Variants in KCNJ18 observed in about 807,000 individuals in gnomAD.
KCNJ18 encodes the protein potassium inwardly rectifying channel subfamily J member 18.
KCNJ18 carries 16 observed loss-of-function variants against 17.3 expected under a neutral mutation model. That is an observed-to-expected ratio of 0.92 (90% CI 0.62 to 1.40). The LOEUF (loss-of-function observed/expected upper bound fraction) is 1.40. Among genes scored for constraint, KCNJ18 ranks in the 40% most tolerant of loss-of-function variants. The pLI is 0.00. For synonymous variants in KCNJ18, 185 were observed against 262.6 expected (o/e 0.70, Z 2.86); for missense variants, 462 against 626.8 (o/e 0.74, Z 2.81).
intron 2 of KCNJ18, among the ~76,000 whole-genome samples, chr17:21,698,431 A>G (rs2142268851): frequency 6.6e-6 from 1 of 152,064 alleles, no homozygotes; most frequent in African/African-American, 2.4e-5. Context: ...GTGCCTCATG[A>G]GGCGCCCTAG....
intron 1 of KCNJ18, among the ~76,000 whole-genome samples, 200 bp downstream of exon 1, chr17:21,692,914 C>A: frequency 6.6e-6 from 1 of 152,310 alleles, no homozygotes. Context: ...GCGACACCAG[C>A]CTCATTTTTC....
rs1477714887 is a variant in KCNJ18 at position 21,695,370 on chromosome 17, A to G, written c.-178-613A>G. ...CCCACCCATGTATTCATTCATCCAT[A>G]TACCCACTCATCCATTTATCCATCC... On this transcript the variant is annotated intron_variant, in intron 1 of 2. Coordinates refer to ENST00000567955, the MANE Select transcript of KCNJ18 (RefSeq NM_001194958.2). Among the ~76,000 whole-genome samples the G allele has an allele frequency of 1.9e-4, 22 of 117,022 alleles. No homozygotes were observed. The South Asian group carries it at 6.0e-3, about 32-fold the overall frequency. 76.8% of individuals were successfully genotyped at this position (117,022 alleles called of 152,430 possible).
chr17:21,696,430 A>G, intron 2 of KCNJ18, among the ~76,000 whole-genome samples: 1 of 152,128 alleles, frequency 6.6e-6, no homozygotes, highest in East Asian at 1.9e-4. Context: ...CGATTTATCC[A>G]CCCATCTGCC....
rs1164815104 is a variant in KCNJ18 at position 21,704,438 on chromosome 17, A to G, written c.*350A>G. 1.5e-4 allele frequency: 42 copies of G among 272,890 alleles called. No homozygotes were observed. The highest frequency in any genetic ancestry group is 9.3e-4 in the African/African-American group (42 of 45,356). The allele number at this position is 272,890 out of a possible 1,614,324, so 16.9% of individuals were successfully genotyped here. On this transcript the variant is annotated 3_prime_UTR_variant, in exon 3 of 3. Transcript: ENST00000567955. The stretch of plus-strand genomic sequence containing the variant: ...CAGCCTCTGCTGTCCAAGGCTGGCT[A>G]GCTGCGGTGCTCCTTGCTGGTTTTT...
chr17:21,695,452 TC>T, intron 1 of KCNJ18, among the ~76,000 whole-genome samples: 3 of 46,462 alleles, frequency 6.5e-5, no homozygotes, highest in African/African-American at 2.2e-4. Flanking sequence ...CATCCATCCA[TC>T]CTTCCATCCA....
intron 2 of KCNJ18, among the ~76,000 whole-genome samples, chr17:21,697,739 A>G (rs1196715110): frequency 2.8e-4 from 43 of 152,300 alleles, no homozygotes; most frequent in African/African-American, 8.7e-4. Context: ...TGATGGAGCA[A>G]GGGCACCACT....
At chr17:21,692,772 G>C (rs1237441700) in intron 1 of KCNJ18, 58 bp downstream of exon 1, 1 of 152,656 alleles carries the variant, frequency 6.6e-6, no homozygotes, top group Non-Finnish European at 1.5e-5. Flanking sequence ...TCAGCTGGGG[G>C]GCTGCCAGGC....
intron 2 of KCNJ18, among the ~76,000 whole-genome samples, chr17:21,702,199 G>T (rs1459160840): frequency 7.9e-5 from 12 of 151,934 alleles, no homozygotes; most frequent in Non-Finnish European, 1.5e-4. Context: ...GGTGCCAGGG[G>T]CTGTGGCTGG....
At chr17:21,701,116 A>G (rs1181564190) in intron 2 of KCNJ18, among the ~76,000 whole-genome samples, 3 of 152,044 alleles carry the variant, frequency 2.0e-5, no homozygotes, top group Non-Finnish European at 2.9e-5. Flanking sequence ...CATAGCCCCT[A>G]GCTTGCAGAT....
At chr17:21,699,952 C>CT (rs1905888558) in intron 2 of KCNJ18, among the ~76,000 whole-genome samples, 1 of 152,280 alleles carries the variant, frequency 6.6e-6, no homozygotes, top group Non-Finnish European at 1.5e-5. Flanking sequence ...CTGGAAGTCC[C>CT]TCAAGGCCCC....
At chr17:21,702,153 C>T (rs1216947530) in intron 2 of KCNJ18, among the ~76,000 whole-genome samples, 7 of 151,980 alleles carry the variant, frequency 4.6e-5, no homozygotes, top group Admixed American at 2.6e-4. Context: ...GGATGTCTTG[C>T]GGGAGGGTGT....
At position 21,696,286 on chromosome 17, in the gene KCNJ18, C is replaced by T. The variant is rs1200525275; in HGVS notation, c.-57+182C>T. ...GCCTCCACCCCTCCATCCATCCCCT[C>T]GCCCATGCCATCCGTTCCTCACCCA... On this transcript the variant is annotated intron_variant, in intron 2 of 2. Transcript: ENST00000567955. Among the ~76,000 whole-genome samples, 172 of 151,990 alleles carry T rather than the reference C, an allele frequency of 1.1e-3. 1 individual carries two copies. In the South Asian group the frequency reaches 0.034, roughly 30 times the overall value.
intron 2 of KCNJ18, among the ~76,000 whole-genome samples, chr17:21,700,080 G>A (rs1410296764): frequency 6.6e-6 from 1 of 152,376 alleles, no homozygotes; most frequent in East Asian, 1.9e-4. Flanking sequence ...CCCTTTCCCA[G>A]CACAGCCTCA....
At chr17:21,699,937 A>T (rs1249697297) in intron 2 of KCNJ18, among the ~76,000 whole-genome samples, 1 of 152,230 alleles carries the variant, frequency 6.6e-6, no homozygotes, top group Non-Finnish European at 1.5e-5. Context: ...AGCAGCCATG[A>T]CCCGCTGGAA....
intron 2 of KCNJ18, among the ~76,000 whole-genome samples, chr17:21,701,641 C>T (rs1200485158): frequency 3.2e-4 from 49 of 151,806 alleles, no homozygotes; most frequent in African/African-American, 1.0e-3. Flanking sequence ...AAAGAGAAAA[C>T]GTCTCACGCC....
At position 21,692,700 on chromosome 17, in the gene KCNJ18, T is replaced by A. The variant is rs1260603335; in HGVS notation, c.-193T>A. On this transcript the variant is annotated 5_prime_UTR_variant, in exon 1 of 3. Coordinates refer to ENST00000567955, the MANE Select transcript of KCNJ18 (RefSeq NM_001194958.2). ...GAAGCCAGGGCTTGGCTTACCCTCG[T>A]GACAGTCTCCCGAGGTGTGTGGGGT... The A allele has an allele frequency of 7.2e-5, 11 of 153,018 alleles. No homozygotes were observed. Among genetic ancestry groups the A allele is most frequent in the Admixed American group, 6.5e-4 (10 of 15,296 alleles). 9.5% of individuals were successfully genotyped at this position (153,018 alleles called of 1,614,324 possible).
intron 1 of KCNJ18, among the ~76,000 whole-genome samples, chr17:21,694,962 C>T (rs1905711459): frequency 6.6e-6 from 1 of 152,064 alleles, no homozygotes; most frequent in South Asian, 2.1e-4. Flanking sequence ...CATCCATCCA[C>T]CCAATCATCT....
At chr17:21,698,102 A>C (rs1905823983) in intron 2 of KCNJ18, among the ~76,000 whole-genome samples, 1 of 150,322 alleles carries the variant, frequency 6.7e-6, no homozygotes, top group East Asian at 2.0e-4. Flanking sequence ...GATTTGTGGC[A>C]GTCTACATCT....
intron 1 of KCNJ18, among the ~76,000 whole-genome samples, chr17:21,693,063 A>G (rs1207073845): frequency 3.3e-5 from 5 of 152,306 alleles, no homozygotes; most frequent in Non-Finnish European, 7.3e-5. Flanking sequence ...AGTCGTGGTC[A>G]TGGGGAAGCA....
Sources: gnomAD v4.1 joint callset for allele counts (sites outside exome capture counted in the v4.1 genomes callset) on GRCh38, gnomAD v4.1.1 for gene constraint, MANE v1.5 for transcripts, NCBI Gene and HGNC (gene_info 2026-07-23, HGNC 2026-07-21) for gene names.